The following TGFA variants were observed in gnomAD, a reference collection of about 807,000 sequenced individuals.
The protein encoded by TGFA is transforming growth factor alpha.
TGFA carries 12 observed loss-of-function variants against 21.7 expected under a neutral mutation model. That is an observed-to-expected ratio of 0.55 (90% CI 0.35 to 0.90). The LOEUF (loss-of-function observed/expected upper bound fraction) is 0.90. TGFA is among the 40% of genes least tolerant of loss of function. The probability of loss-of-function intolerance (pLI) is 0.01; values close to 1 mark genes in which losing one functional copy is unlikely to be tolerated. For missense variants in TGFA, 178 were observed against 210.8 expected, an observed-to-expected ratio of 0.84 and a Z score of 0.96; for synonymous variants, 79 against 88.1, an observed-to-expected ratio of 0.90 and a Z score of 0.58.
intron 5 of TGFA, 51 bp from the exon 6 acceptor site, chr2:70,450,917 G>T: frequency 6.3e-7 from 1 of 1,591,944 alleles, no homozygotes; most frequent in Non-Finnish European, 8.6e-7. Context: ...CCCTGGCCAC[G>T]TTGGGAAAAT....
At chr2:70,465,101 C>T (rs372158058) in intron 3 of TGFA, among the ~76,000 whole-genome samples, 2 of 152,332 alleles carry the variant, frequency 1.3e-5, no homozygotes, top group African/African-American at 4.8e-5. Context: ...GACCACCATG[C>T]ATGTCCTGCA....
chr2:70,465,848 G>T, intron 2 of TGFA, 112 bp from the exon 3 acceptor site: 1 of 1,480,170 alleles, frequency 6.8e-7, no homozygotes, highest in South Asian at 1.3e-5. Context: ...GGGACTTTGG[G>T]TTCTCACCTG....
intron 1 of TGFA, among the ~76,000 whole-genome samples, chr2:70,545,419 T>A (rs1163085895): frequency 6.6e-6 from 1 of 152,172 alleles, no homozygotes; most frequent in South Asian, 2.1e-4. Flanking sequence ...CCAGATCTTA[T>A]AATTTTACAA....
chr2:70,502,559 G>T (rs1482713487), intron 2 of TGFA, among the ~76,000 whole-genome samples: 5 of 152,136 alleles, frequency 3.3e-5, no homozygotes, highest in Non-Finnish European at 7.4e-5. Flanking sequence ...GACCTCGAGT[G>T]ATCTGCTACC....
chr2:70,480,235 T>C (rs3771505), intron 2 of TGFA, among the ~76,000 whole-genome samples: 85,227 of 152,004 alleles, frequency 0.56, 24,279 homozygotes, highest in African/African-American at 0.65. Flanking sequence ...AGTTTGTCAC[T>C]TATTGTGGCC....
At chr2:70,538,304 C>T (rs553340070) in intron 1 of TGFA, among the ~76,000 whole-genome samples, 9 of 152,306 alleles carry the variant, frequency 5.9e-5, no homozygotes, top group South Asian at 2.1e-4. Flanking sequence ...AACCACTATG[C>T]GGCCCATGCT....
chr2:70,480,838 A>G (rs1295863473), intron 2 of TGFA, among the ~76,000 whole-genome samples: 1 of 148,448 alleles, frequency 6.7e-6, no homozygotes, highest in Admixed American at 6.7e-5. Flanking sequence ...AAGGTGTGCC[A>G]GGATTCCCCG....
intron 2 of TGFA, among the ~76,000 whole-genome samples, chr2:70,495,969 G>C (rs11466226): frequency 5.9e-5 from 9 of 152,072 alleles, no homozygotes; most frequent in African/African-American, 2.2e-4. Context: ...CAGTTTGTGC[G>C]TGCTTCCTTG....
intron 1 of TGFA, among the ~76,000 whole-genome samples, chr2:70,549,899 C>T (rs1277027291): frequency 6.6e-6 from 1 of 152,150 alleles, no homozygotes; most frequent in East Asian, 1.9e-4. Flanking sequence ...GAAAACTCAG[C>T]CTCTAAGGCT....
chr2:70,471,109 A>ACCC (rs3836154), intron 2 of TGFA, among the ~76,000 whole-genome samples: 5 of 107,226 alleles, frequency 4.7e-5, no homozygotes, highest in African/African-American at 7.9e-5. Flanking sequence ...TCCTCCCCGC[A>ACCC]CCCCCCCCAC....
intron 1 of TGFA, among the ~76,000 whole-genome samples, chr2:70,529,512 A>G (rs1212820062): frequency 6.6e-6 from 1 of 152,080 alleles, no homozygotes; most frequent in Non-Finnish European, 1.5e-5. Context: ...CATCTGACAC[A>G]GGCCTGAATA....
intron 1 of TGFA, among the ~76,000 whole-genome samples, chr2:70,550,761 C>A (rs1553506701): frequency 6.6e-6 from 1 of 152,192 alleles, no homozygotes; most frequent in Non-Finnish European, 1.5e-5. Flanking sequence ...GCGGAGCTTG[C>A]AGTGAGCCGA....
intron 2 of TGFA, among the ~76,000 whole-genome samples, chr2:70,490,998 T>C (rs150126924): frequency 1.3e-5 from 2 of 152,306 alleles, no homozygotes; most frequent in East Asian, 3.9e-4. Flanking sequence ...TTATATAGGA[T>C]ATCACGATAT....
rs138212581 is a variant in TGFA, at chr2:70,466,768, A to G, written c.95-1032T>C. ...GGCAGGCCTATTCACAATGGTAAAG[A>G]CATGGAACCAACCCAAATGCCCATC... is the stretch of plus-strand genomic sequence containing the variant. On this transcript the variant is annotated intron_variant, in intron 2 of 5. Transcript: ENST00000295400. Among the ~76,000 whole-genome samples, 1,086 of 152,322 alleles carry G rather than the reference A, an allele frequency of 7.1e-3. 5 individuals are homozygous for G. The highest frequency in any genetic ancestry group is 0.019 in the South Asian group (91 of 4,812).
chr2:70,479,503 A>G (rs1050495626), intron 2 of TGFA, among the ~76,000 whole-genome samples: 2 of 152,216 alleles, frequency 1.3e-5, no homozygotes, highest in African/African-American at 4.8e-5. Flanking sequence ...CCCTGAAGTT[A>G]ATGCTTTCAA....
At chr2:70,506,576 T>A (rs1475641375) in intron 2 of TGFA, among the ~76,000 whole-genome samples, 2 of 152,220 alleles carry the variant, frequency 1.3e-5, no homozygotes, top group African/African-American at 4.8e-5. Flanking sequence ...TGCTTCACAC[T>A]GTATGCATCA....
At chr2:70,497,641 C>T (rs2103803394) in intron 2 of TGFA, among the ~76,000 whole-genome samples, 1 of 152,246 alleles carries the variant, frequency 6.6e-6, no homozygotes, top group South Asian at 2.1e-4. Flanking sequence ...AAAGGAGGGC[C>T]AGGCTGGTGG....
chr2:70,459,075 T>C (rs1361302059), intron 3 of TGFA, among the ~76,000 whole-genome samples: 1 of 152,166 alleles, frequency 6.6e-6, no homozygotes, highest in Admixed American at 6.5e-5. Flanking sequence ...TTTGTGAAAG[T>C]CTCAGCGTAT....
chr2:70,484,735 C>T (rs1189430290), intron 2 of TGFA, among the ~76,000 whole-genome samples: 2 of 152,194 alleles, frequency 1.3e-5, no homozygotes, highest in Non-Finnish European at 2.9e-5. Context: ...ATCTGCCATT[C>T]CTGATTCCTG....
Sources: allele counts gnomAD v4.1 joint callset (sites outside exome capture counted in the v4.1 genomes callset), GRCh38; gene constraint gnomAD v4.1.1; transcripts MANE v1.5; gene names NCBI Gene and HGNC (gene_info 2026-07-23, HGNC 2026-07-21).